Variants in NALCN observed in about 807,000 individuals in gnomAD.
NALCN encodes sodium leak channel NALCN.
Under a neutral mutation model 225.3 loss-of-function variants are expected in NALCN, and 111 were observed. That is an observed-to-expected ratio of 0.49 (90% CI 0.42 to 0.58). The LOEUF (loss-of-function observed/expected upper bound fraction) is 0.58. NALCN is among the 20% of genes least tolerant of loss of function. The pLI, the probability that NALCN is intolerant of heterozygous loss-of-function variation, is 0.00. For synonymous variants in NALCN, 764 were observed against 769.0 expected, an observed-to-expected ratio of 0.99 and a Z score of 0.11; for missense variants, 1,378 against 2,202.4, an observed-to-expected ratio of 0.63 and a Z score of 7.49.
chr13:101,085,979 A>G (rs2033910283), intron 30 of NALCN, among the ~76,000 whole-genome samples: 1 of 151,942 alleles, frequency 6.6e-6, no homozygotes, highest in Non-Finnish European at 1.5e-5. Flanking sequence ...GGGTCTTTCT[A>G]GTTTTTTCTG....
chr13:101,214,158 AGGT>A (rs1442239389), intron 13 of NALCN, among the ~76,000 whole-genome samples: 1 of 152,154 alleles, frequency 6.6e-6, no homozygotes, highest in Non-Finnish European at 1.5e-5. Context: ...ACATGGATGA[AGGT>A]GGAAACCATC....
At chr13:101,264,505 C>T (rs1425486376) in intron 10 of NALCN, among the ~76,000 whole-genome samples, 1 of 151,930 alleles carries the variant, frequency 6.6e-6, no homozygotes, top group East Asian at 1.9e-4. Context: ...GTCCCTGGAC[C>T]AGCAGCAACC....
chr13:101,148,376 C>T (rs1244716007), intron 15 of NALCN, among the ~76,000 whole-genome samples: 4 of 152,164 alleles, frequency 2.6e-5, no homozygotes, highest in East Asian at 1.9e-4. Context: ...TCTGGGCCTG[C>T]GTGTTTCTGT....
At chr13:101,146,951 C>T (rs540102888) in intron 15 of NALCN, among the ~76,000 whole-genome samples, 2 of 152,094 alleles carry the variant, frequency 1.3e-5, no homozygotes, top group Non-Finnish European at 2.9e-5. Context: ...AAAATGAAGG[C>T]ACTACTTCTA....
At chr13:101,175,899 A>C (rs2038939035) in intron 15 of NALCN, among the ~76,000 whole-genome samples, 1 of 152,206 alleles carries the variant, frequency 6.6e-6, no homozygotes, top group Non-Finnish European at 1.5e-5. Context: ...ATTGTCCTTT[A>C]GTGTCTAGAG....
intron 7 of NALCN, among the ~76,000 whole-genome samples, chr13:101,325,093 T>A (rs1356738593): frequency 6.6e-6 from 1 of 152,194 alleles, no homozygotes; most frequent in Non-Finnish European, 1.5e-5. Flanking sequence ...AGCTTCTCAG[T>A]GGCTTAAATC....
At chr13:101,401,826 C>T (rs925868085) in intron 1 of NALCN, among the ~76,000 whole-genome samples, 4 of 152,126 alleles carry the variant, frequency 2.6e-5, no homozygotes, top group Non-Finnish European at 4.4e-5. Flanking sequence ...TACATAAAAA[C>T]TCAACAACTA....
At chr13:101,195,902 A>G (rs2039872037) in intron 13 of NALCN, among the ~76,000 whole-genome samples, 1 of 152,026 alleles carries the variant, frequency 6.6e-6, no homozygotes, top group African/African-American at 2.4e-5. Flanking sequence ...TTATATCCTC[A>G]AGTTTGACAA....
At chr13:101,194,082 G>C (rs1472816295) in intron 13 of NALCN, among the ~76,000 whole-genome samples, 4 of 152,156 alleles carry the variant, frequency 2.6e-5, no homozygotes, top group African/African-American at 9.7e-5. Context: ...CCTTTCAGCT[G>C]TCTTGGGCAT....
At chr13:101,199,848 G>C (rs2040045940) in intron 13 of NALCN, among the ~76,000 whole-genome samples, 1 of 152,036 alleles carries the variant, frequency 6.6e-6, no homozygotes, top group South Asian at 2.1e-4. Context: ...TGAAAACACA[G>C]AGAAAAGCAG....
At chr13:101,205,921 G>C (rs888217831) in intron 13 of NALCN, among the ~76,000 whole-genome samples, 1 of 151,988 alleles carries the variant, frequency 6.6e-6, no homozygotes, top group African/African-American at 2.4e-5. Flanking sequence ...AAACAGCACA[G>C]AATCTACATA....
At chr13:101,201,035 C>G (rs1026290276) in intron 13 of NALCN, among the ~76,000 whole-genome samples, 1 of 152,090 alleles carries the variant, frequency 6.6e-6, no homozygotes, top group African/African-American at 2.4e-5. Flanking sequence ...TGCTATATCC[C>G]AAGCACATAG....
At chr13:101,339,986 C>T (rs946316475) in intron 7 of NALCN, among the ~76,000 whole-genome samples, 10 of 152,024 alleles carry the variant, frequency 6.6e-5, no homozygotes, top group Non-Finnish European at 8.8e-5. Context: ...CACCGTGCCC[C>T]GGCGGGTACA....
chr13:101,271,606 T>C (rs893217194), intron 10 of NALCN, among the ~76,000 whole-genome samples: 2 of 102,400 alleles, frequency 2.0e-5, no homozygotes, highest in Admixed American at 1.1e-4. Context: ...TGTGCGCCTG[T>C]GTGTGAGTGT....
intron 3 of NALCN, among the ~76,000 whole-genome samples, chr13:101,382,321 G>A (rs1198143193): frequency 6.6e-6 from 1 of 151,192 alleles, no homozygotes; most frequent in Non-Finnish European, 1.5e-5. Flanking sequence ...CAAGTGAATG[G>A]CCAGGAGCCA....
At chr13:101,202,035 C>A (rs769860018) in intron 13 of NALCN, among the ~76,000 whole-genome samples, 1 of 152,114 alleles carries the variant, frequency 6.6e-6, no homozygotes, top group African/African-American at 2.4e-5. Context: ...TTTACTCAGT[C>A]TCCTTGTTTC....
rs765957591 is a variant in NALCN at position 101,269,787 on chromosome 13, C to T, written c.1135-11213G>A. Among the ~76,000 whole-genome samples the T allele has an allele frequency of 3.3e-5, 5 of 152,152 alleles. No homozygotes were observed. The East Asian group carries it at 9.6e-4, about 29-fold the overall frequency. On this transcript the variant is annotated intron_variant, in intron 10 of 43. Coordinates refer to ENST00000251127, the MANE Select transcript of NALCN (RefSeq NM_052867.4). ...AGTAAGTCTCAGCCTGTGGCAGTCA[C>T]CAGGGCTGTCCCTTCTTCATGACCC...
At chr13:101,254,272 C>T (rs1477250464) in intron 11 of NALCN, among the ~76,000 whole-genome samples, 1 of 143,240 alleles carries the variant, frequency 7.0e-6, no homozygotes, top group African/African-American at 2.6e-5. Context: ...TCTTGGGATG[C>T]TAAGGCAAGA....
In NALCN at chr13:101,066,067, T is replaced by C. The variant is rs367674325; in HGVS notation, c.4447-506A>G. 1.9e-4 allele frequency among the ~76,000 whole-genome samples: 29 copies of C among 152,316 alleles called. No individual in the cohort carries two copies. The East Asian group carries it at 2.7e-3, about 14-fold the overall frequency. On this transcript the variant is annotated intron_variant, in intron 39 of 43. Coordinates refer to ENST00000251127, the MANE Select transcript of NALCN (RefSeq NM_052867.4). ...AAGATAACTCGTGTTGGATCATGCC[T>C]GTAATCTCAGCACTTTGGGAGGCCG...
Sources: allele counts gnomAD v4.1 joint callset (sites outside exome capture counted in the v4.1 genomes callset), GRCh38; gene constraint gnomAD v4.1.1; transcripts MANE v1.5; gene names NCBI Gene and HGNC (gene_info 2026-07-23, HGNC 2026-07-21).